The following CHL1 variants were observed in gnomAD, a reference collection of about 807,000 sequenced individuals.
CHL1 encodes neural cell adhesion molecule L1-like protein.
A neutral mutation model predicts 141.9 loss-of-function variants in CHL1; 96 were observed. That is an observed-to-expected ratio of 0.68 (90% CI 0.57 to 0.80). CHL1 has a LOEUF of 0.80. CHL1 is among the 30% of genes least tolerant of loss of function. The pLI is 0.00. For missense variants in CHL1, 1,820 were observed against 1,457.2 expected, an observed-to-expected ratio of 1.25 and a Z score of -4.05; for synonymous variants, 613 against 502.2, an observed-to-expected ratio of 1.22 and a Z score of -2.95.
chr3:403,091 G>A (rs555620240), intron 27 of CHL1, among the ~76,000 whole-genome samples: 7 of 152,244 alleles, frequency 4.6e-5, no homozygotes, highest in East Asian at 1.9e-4. Context: ...TAGGCCATTC[G>A]TGTGGCTGTT....
At chr3:259,481 T>C (rs1694503812) in intron 2 of CHL1, among the ~76,000 whole-genome samples, 1 of 152,180 alleles carries the variant, frequency 6.6e-6, no homozygotes, top group African/African-American at 2.4e-5. Flanking sequence ...TTATTTTTCC[T>C]TAGCCTGTTT....
chr3:383,726 T>C (rs1193085315), intron 18 of CHL1, 90 bp from the exon 19 acceptor site: 4 of 768,788 alleles, frequency 5.2e-6, no homozygotes, highest in Non-Finnish European at 8.9e-6. Flanking sequence ...CTTACTTAAT[T>C]ATCTGTGTTT....
chr3:203,934 G>A (rs1429230878), intron 1 of CHL1, among the ~76,000 whole-genome samples: 8 of 152,220 alleles, frequency 5.3e-5, no homozygotes, highest in East Asian at 1.9e-4. Flanking sequence ...TTTGTGGAAC[G>A]TGAGTAGTGG....
chr3:223,705 TG>T (rs1242556232), intron 1 of CHL1, among the ~76,000 whole-genome samples: 1 of 152,166 alleles, frequency 6.6e-6, no homozygotes, highest in Non-Finnish European at 1.5e-5. Flanking sequence ...GCAGGCCCAG[TG>T]AAGCAGAAGG....
intron 2 of CHL1, among the ~76,000 whole-genome samples, chr3:287,453 C>T (rs1044814085): frequency 1.3e-5 from 2 of 152,126 alleles, no homozygotes; most frequent in South Asian, 2.1e-4. Flanking sequence ...TGCTGAGACA[C>T]GCAAGCCATT....
Position 354,133 on chromosome 3 carries a change from T to C in CHL1, c.1034-507T>C, listed in dbSNP as rs143286953. On this transcript the variant is annotated intron_variant, in intron 10 of 27. Coordinates refer to ENST00000256509, the MANE Select transcript of CHL1 (RefSeq NM_006614.4). Reference sequence around the variant, plus strand: ...ACTCTAGGAAATAATATTTTTCAAGTAGATTATATGTATAAATGCTATAAG... The same window carrying C: ...ACTCTAGGAAATAATATTTTTCAAGCAGATTATATGTATAAATGCTATAAG... 3.0e-3 allele frequency among the ~76,000 whole-genome samples: 463 copies of C among 152,308 alleles called. 1 individual carries two copies. Among genetic ancestry groups the C allele is most frequent in the African/African-American group, 0.01 (429 of 41,570 alleles).
chr3:227,613 G>T (rs1294232847), intron 1 of CHL1, among the ~76,000 whole-genome samples: 2 of 152,236 alleles, frequency 1.3e-5, no homozygotes, highest in Non-Finnish European at 1.5e-5. Flanking sequence ...TGGACGGACA[G>T]ATGCTACAGA....
chr3:345,301 G>T lies in CHL1; in HGVS notation c.848+592G>T, dbSNP rs1045478141. ...TGTTACTTACTAAATCTGCTGCTTT[G>T]CAGGTTCCAAGGAGCCCTATTTATA... On this transcript the variant is annotated intron_variant, in intron 9 of 27. Coordinates refer to ENST00000256509, the MANE Select transcript of CHL1 (RefSeq NM_006614.4). Among the ~76,000 whole-genome samples the T allele has an allele frequency of 1.0e-3, 151 of 149,508 alleles. 1 individual carries two copies. Among genetic ancestry groups the T allele is most frequent in the African/African-American group, 3.5e-3 (145 of 40,900 alleles).
intron 10 of CHL1, among the ~76,000 whole-genome samples, chr3:351,230 A>G (rs1425197741): frequency 6.6e-6 from 1 of 152,230 alleles, no homozygotes; most frequent in Non-Finnish European, 1.5e-5. Context: ...TAAAATGTTG[A>G]CTATAGGACT....
chr3:360,165 C>G (rs1195702599), intron 11 of CHL1, 119 bp from the exon 12 acceptor site: 10 of 1,072,614 alleles, frequency 9.3e-6, no homozygotes, highest in Non-Finnish European at 1.3e-5. Context: ...CTTCAATGAA[C>G]TATTAGTCAC....
At chr3:383,982 G>A in intron 19 of CHL1, 96 bp downstream of exon 19, 1 of 753,916 alleles carries the variant, frequency 1.3e-6, no homozygotes, top group African/African-American at 1.7e-5. Flanking sequence ...ATTTTTTTAA[G>A]AACAAAGATA....
intron 15 of CHL1, among the ~76,000 whole-genome samples, chr3:372,765 G>A (rs548833449): frequency 6.6e-6 from 1 of 151,398 alleles, no homozygotes; most frequent in Non-Finnish European, 1.5e-5. Flanking sequence ...CTGACACTTG[G>A]ATGGGGTTTT....
chr3:207,341 A>G (rs866611912), intron 1 of CHL1, among the ~76,000 whole-genome samples: 1 of 152,192 alleles, frequency 6.6e-6, no homozygotes, highest in Non-Finnish European at 1.5e-5. Flanking sequence ...GCTTTTCTAT[A>G]AAGCTTTTGT....
At chr3:221,639 G>T (rs979097470) in intron 1 of CHL1, among the ~76,000 whole-genome samples, 1 of 152,206 alleles carries the variant, frequency 6.6e-6, no homozygotes, top group Non-Finnish European at 1.5e-5. Context: ...GTACTTAACA[G>T]TCATTCAAGG....
At chr3:197,550 T>A (rs1698441979) in intron 1 of CHL1, 1 of 290,758 alleles carries the variant, frequency 3.4e-6, no homozygotes, top group Middle Eastern at 1.1e-3. Flanking sequence ...GGACACCGCC[T>A]GGTGTGTGGG....
At chr3:245,175 A>C (rs1412640682) in intron 2 of CHL1, among the ~76,000 whole-genome samples, 1 of 152,140 alleles carries the variant, frequency 6.6e-6, no homozygotes, top group East Asian at 1.9e-4. Flanking sequence ...AATCCGTTTG[A>C]AATCTGACCT....
At chr3:311,773 A>C (rs1316601644) in intron 2 of CHL1, among the ~76,000 whole-genome samples, 1 of 152,192 alleles carries the variant, frequency 6.6e-6, no homozygotes, top group African/African-American at 2.4e-5. Context: ...TGAGCTGTAC[A>C]CTTAAGTTTT....
At chr3:317,402 C>T (rs1452764686) in intron 2 of CHL1, among the ~76,000 whole-genome samples, 1 of 151,808 alleles carries the variant, frequency 6.6e-6, no homozygotes, top group East Asian at 1.9e-4. Flanking sequence ...TCTAGTTATT[C>T]TTGTTCCCTA....
intron 2 of CHL1, among the ~76,000 whole-genome samples, chr3:295,270 A>G (rs1698083964): frequency 6.6e-6 from 1 of 152,254 alleles, no homozygotes; most frequent in Non-Finnish European, 1.5e-5. Flanking sequence ...GAACAGTCAC[A>G]GAACCAAAAA....
Sources: gnomAD v4.1 joint callset for allele counts (sites outside exome capture counted in the v4.1 genomes callset) on GRCh38, gnomAD v4.1.1 for gene constraint, MANE v1.5 for transcripts, NCBI Gene and HGNC (gene_info 2026-07-23, HGNC 2026-07-21) for gene names.